SSPN: variants seen among roughly 807,000 people sequenced by gnomAD.
The protein encoded by SSPN is K-ras oncogene-associated protein.
A neutral mutation model predicts 19.1 loss-of-function variants in SSPN; 15 were observed. The observed-to-expected ratio is 0.78, with a 90% CI of 0.52 to 1.21. SSPN has a LOEUF of 1.21. SSPN is among the 50% of genes most tolerant of loss of function. SSPN has a pLI of 0.00. For synonymous variants in SSPN, 147 were observed against 140.3 expected (o/e 1.05, Z -0.34); for missense variants, 291 against 314.0 (o/e 0.93, Z 0.55).
At chr12:26,124,751 T>G (rs1351692435) in intron 1 of SSPN, 1 of 1,614,224 alleles carries the variant, frequency 6.2e-7, no homozygotes, top group Non-Finnish European at 8.5e-7. Context: ...TAACTGTCTC[T>G]CTTGCAAATG....
chr12:26,225,808 A>G (rs1430807058), intron 2 of SSPN, among the ~76,000 whole-genome samples: 1 of 150,846 alleles, frequency 6.6e-6, no homozygotes, highest in Non-Finnish European at 1.5e-5. Context: ...AATTACAAGA[A>G]CTTCATCCAG....
chr12:26,155,813 G>A (rs1944552626), intron 1 of SSPN, among the ~76,000 whole-genome samples: 1 of 152,194 alleles, frequency 6.6e-6, no homozygotes, highest in Non-Finnish European at 1.5e-5. Context: ...TGTTACCACA[G>A]CAACCTGTGC....
chr12:26,201,043 ATATT>A (rs1272019393), intron 1 of SSPN, among the ~76,000 whole-genome samples: 54 of 56,986 alleles, frequency 9.5e-4, no homozygotes, highest in South Asian at 3.9e-3. Flanking sequence ...ATATATATAT[ATATT>A]ATATATATAT....
intron 1 of SSPN, among the ~76,000 whole-genome samples, chr12:26,171,929 G>A (rs1394378164): frequency 6.6e-6 from 1 of 152,122 alleles, no homozygotes; most frequent in African/African-American, 2.4e-5. Context: ...GTGATGTAGG[G>A]GAAGCCATCT....
At chr12:26,222,567 T>G (rs1322042725) in intron 1 of SSPN, among the ~76,000 whole-genome samples, 1 of 152,240 alleles carries the variant, frequency 6.6e-6, no homozygotes. Context: ...TCTCAGCTGC[T>G]CTTTCAACTT....
chr12:26,217,724 G>C (rs1421126866), intron 1 of SSPN, among the ~76,000 whole-genome samples: 1 of 143,374 alleles, frequency 7.0e-6, no homozygotes, highest in African/African-American at 2.6e-5. Context: ...GTCATAGATA[G>C]CTCTTATTAT....
At chr12:26,208,020 G>GC (rs200250018) in intron 1 of SSPN, among the ~76,000 whole-genome samples, 9 of 43,334 alleles carry the variant, frequency 2.1e-4, no homozygotes, top group African/African-American at 5.4e-4. Flanking sequence ...GGTGGTGGTG[G>GC]GGGGGGGGGA....
At chr12:26,217,476 C>G (rs1364249613) in intron 1 of SSPN, among the ~76,000 whole-genome samples, 1 of 49,960 alleles carries the variant, frequency 2.0e-5, no homozygotes, top group Non-Finnish European at 3.7e-5. Context: ...AGATTTTGGG[C>G]TGAGACAATG....
In SSPN at chr12:26,231,232, T is replaced by G. The variant is rs185625046; in HGVS notation, c.*156T>G. On this transcript the variant is annotated 3_prime_UTR_variant, in exon 3 of 3. Coordinates refer to ENST00000242729, the MANE Select transcript of SSPN (RefSeq NM_005086.5). The stretch of plus-strand genomic sequence containing the variant: ...TATTTTTATGAAACAAAAGAGCATT[T>G]CTTCAGGTTTCTATTGTATTTTTTT... 6.6e-5 allele frequency: 74 copies of G among 1,119,712 alleles called. No individual in the cohort carries two copies. In the African/African-American group the frequency reaches 1.0e-3, roughly 16 times the overall value. 69.4% of individuals were successfully genotyped at this position (1,119,712 alleles called of 1,614,324 possible). A position where few individuals can be genotyped will look rare whatever the true frequency, so the allele number is the denominator to read the frequency against.
intron 1 of SSPN, among the ~76,000 whole-genome samples, chr12:26,204,955 T>C (rs1335592611): frequency 6.6e-6 from 1 of 152,224 alleles, no homozygotes; most frequent in African/African-American, 2.4e-5. Flanking sequence ...AAGTTGATGC[T>C]CTCTGAGCTA....
At chr12:26,228,373 CA>C (rs35945808) in intron 2 of SSPN, among the ~76,000 whole-genome samples, 7,858 of 115,440 alleles carry the variant, frequency 0.068, 637 homozygotes, top group African/African-American at 0.22. Flanking sequence ...CACTCTGTCT[CA>C]AAAAAAAAAA....
intron 1 of SSPN, among the ~76,000 whole-genome samples, chr12:26,165,635 A>C (rs1944616202): frequency 6.6e-6 from 1 of 152,206 alleles, no homozygotes; most frequent in Non-Finnish European, 1.5e-5. Flanking sequence ...AGGGGCAGGG[A>C]ACATGAAATT....
chr12:26,222,866 C>T (rs912339429), intron 1 of SSPN, among the ~76,000 whole-genome samples: 4 of 152,190 alleles, frequency 2.6e-5, no homozygotes, highest in Non-Finnish European at 4.4e-5. Flanking sequence ...TACACCAAAG[C>T]TTGGAGGTCA....
intron 1 of SSPN, among the ~76,000 whole-genome samples, chr12:26,212,134 AG>A (rs1285619262): frequency 7.2e-5 from 11 of 152,214 alleles, no homozygotes; most frequent in African/African-American, 2.7e-4. Context: ...GTTGTAGGTG[AG>A]GAAGCCCTGC....
At chr12:26,189,289 G>A (rs1040455365) in intron 1 of SSPN, among the ~76,000 whole-genome samples, 18 of 152,082 alleles carry the variant, frequency 1.2e-4, no homozygotes, top group African/African-American at 2.4e-4. Context: ...AGTAAAATAC[G>A]CTGTGGGATA....
intron 1 of SSPN, among the ~76,000 whole-genome samples, chr12:26,152,021 G>A (rs1283864076): frequency 6.6e-6 from 1 of 152,136 alleles, no homozygotes; most frequent in Admixed American, 6.5e-5. Context: ...TCAATATTTT[G>A]TGCTATTCAT....
At position 26,226,270 on chromosome 12, in the gene SSPN, G is replaced by C. The variant is rs542058384; in HGVS notation, c.366+1891G>C. On this transcript the variant is annotated intron_variant, in intron 2 of 2. Transcript: ENST00000242729. Reference sequence around the variant, plus strand: ...TTCCCTTATGCTTCTCACACTACTGGGGGGGCGAAGGCATAACATGCATCT... The same window carrying C: ...TTCCCTTATGCTTCTCACACTACTGCGGGGGCGAAGGCATAACATGCATCT... 1.1e-4 allele frequency among the ~76,000 whole-genome samples: 17 copies of C among 152,226 alleles called. No individual in the cohort carries two copies. The South Asian group carries it at 3.1e-3, about 28-fold the overall frequency.
chr12:26,129,426 G>A (rs1275181884), intron 1 of SSPN, among the ~76,000 whole-genome samples: 2 of 152,118 alleles, frequency 1.3e-5, no homozygotes, highest in Non-Finnish European at 2.9e-5. Context: ...TACTCTCAAG[G>A]GAGAAGAGTT....
chr12:26,157,668 G>C (rs1158948424), intron 1 of SSPN, among the ~76,000 whole-genome samples: 1 of 152,192 alleles, frequency 6.6e-6, no homozygotes. Flanking sequence ...TGAAGTTCCT[G>C]TTAATTGTGT....
Sources: allele counts gnomAD v4.1 joint callset (sites outside exome capture counted in the v4.1 genomes callset), GRCh38; gene constraint gnomAD v4.1.1; transcripts MANE v1.5; gene names NCBI Gene and HGNC (gene_info 2026-07-23, HGNC 2026-07-21).